METTL15: variants seen among roughly 807,000 people sequenced by gnomAD.
METTL15 encodes the protein methyltransferase 15, mitochondrial 12S rRNA N4-cytidine.
METTL15 carries 34 observed loss-of-function variants against 38.3 expected under a neutral mutation model. The observed-to-expected ratio is 0.89, with a 90% CI of 0.68 to 1.18. The LOEUF (loss-of-function observed/expected upper bound fraction) is 1.18. Among genes scored for constraint, METTL15 ranks in the 50% most tolerant of loss-of-function variants. The pLI is 0.00. For synonymous variants in METTL15, 162 were observed against 170.9 expected (o/e 0.95, Z 0.41); for missense variants, 438 against 498.4 (o/e 0.88, Z 1.15).
At chr11:28,262,368 A>G (rs1855240429) in intron 4 of METTL15, among the ~76,000 whole-genome samples, 1 of 150,968 alleles carries the variant, frequency 6.6e-6, no homozygotes, top group Admixed American at 6.6e-5. Flanking sequence ...ACAGAGATAT[A>G]TATGTGTATA....
intron 4 of METTL15, among the ~76,000 whole-genome samples, chr11:28,281,450 C>G (rs1007311274): frequency 6.6e-6 from 1 of 152,180 alleles, no homozygotes; most frequent in Non-Finnish European, 1.5e-5. Flanking sequence ...AATACCTGCT[C>G]CAATGTTGGG....
chr11:28,289,500 G>A (rs2133987211), intron 4 of METTL15, among the ~76,000 whole-genome samples: 1 of 152,202 alleles, frequency 6.6e-6, no homozygotes, highest in Admixed American at 6.6e-5. Context: ...CAAAATGCAT[G>A]CTAGTTGCCT....
chr11:28,437,699 G>A (rs1850995260), intron 6 of METTL15, among the ~76,000 whole-genome samples: 1 of 152,126 alleles, frequency 6.6e-6, no homozygotes, highest in Admixed American at 6.5e-5. Context: ...TTTTGTACTT[G>A]TTCGTTTTAT....
rs558415435 is a variant in METTL15 at position 28,487,564 on chromosome 11, C to T, written c.*425-38914C>T. ...TATGATCACAGTTTTCATTGCCTTC[C>T]TATATTTCTATTACATTTCTCCTAT... On this transcript the variant is annotated intron_variant and NMD_transcript_variant, in intron 6 of 7. Coordinates refer to the METTL15 transcript ENST00000532947. Among the ~76,000 whole-genome samples, 126 of 152,164 alleles carry T rather than the reference C, an allele frequency of 8.3e-4. No individual in the cohort carries two copies. The South Asian group carries it at 0.011, about 13-fold the overall frequency.
chr11:28,171,993 G>T (rs943988170), intron 3 of METTL15, among the ~76,000 whole-genome samples: 2 of 151,906 alleles, frequency 1.3e-5, no homozygotes, highest in Non-Finnish European at 2.9e-5. Flanking sequence ...AAGAGATGGG[G>T]TTCTACTATG....
chr11:28,449,608 G>A (rs570963714), intron 6 of METTL15, among the ~76,000 whole-genome samples: 17 of 152,172 alleles, frequency 1.1e-4, no homozygotes, highest in Admixed American at 2.6e-4. Flanking sequence ...ATATAGAAAT[G>A]GTATCTATTT....
At chr11:28,276,634 G>T (rs190651368) in intron 4 of METTL15, among the ~76,000 whole-genome samples, 2 of 152,124 alleles carry the variant, frequency 1.3e-5, no homozygotes, top group African/African-American at 2.4e-5. Context: ...AGCCAAAGCA[G>T]TCTTGAGCAA....
At chr11:28,312,375 G>A (rs1857335143) in intron 6 of METTL15, among the ~76,000 whole-genome samples, 1 of 152,140 alleles carries the variant, frequency 6.6e-6, no homozygotes, top group Non-Finnish European at 1.5e-5. Flanking sequence ...GTTATGCATA[G>A]TCTCCTGGAA....
At chr11:28,148,656 A>G (rs1006510050) in intron 3 of METTL15, among the ~76,000 whole-genome samples, 1 of 151,932 alleles carries the variant, frequency 6.6e-6, no homozygotes, top group African/African-American at 2.4e-5. Flanking sequence ...CCTAAGCTAA[A>G]TGAGCTTCTA....
chr11:28,189,669 A>T (rs888032873), intron 3 of METTL15, among the ~76,000 whole-genome samples: 1 of 151,268 alleles, frequency 6.6e-6, no homozygotes, highest in African/African-American at 2.4e-5. Flanking sequence ...ACTGGTGAAT[A>T]GTTACAAGAG....
chr11:28,428,866 C>T (rs987945601), intron 6 of METTL15, among the ~76,000 whole-genome samples: 13 of 152,144 alleles, frequency 8.5e-5, no homozygotes, highest in Non-Finnish European at 7.3e-5. Flanking sequence ...CTGGCAGATC[C>T]CCTTCCTATA....
At chr11:28,489,598 T>G (rs1851476857) in intron 6 of METTL15, among the ~76,000 whole-genome samples, 1 of 152,134 alleles carries the variant, frequency 6.6e-6, no homozygotes, top group Middle Eastern at 3.4e-3. Flanking sequence ...CTGAGTGCTA[T>G]GGAAGCCCAG....
At chr11:28,377,859 A>C (rs1279472659) in intron 5 of METTL15, among the ~76,000 whole-genome samples, 1 of 151,536 alleles carries the variant, frequency 6.6e-6, no homozygotes, top group Admixed American at 6.6e-5. Flanking sequence ...TCTGTTTGTT[A>C]GTTTTCCTTC....
intron 5 of METTL15, among the ~76,000 whole-genome samples, chr11:28,420,980 CAAAG>C (rs1385773942): frequency 1.3e-5 from 2 of 151,510 alleles, no homozygotes; most frequent in Non-Finnish European, 3.0e-5. Context: ...AGCTAAGAAA[CAAAG>C]AGAGAAGACC....
chr11:28,347,061 A>C (rs1463504349), intron 3 of METTL15, among the ~76,000 whole-genome samples: 1 of 152,226 alleles, frequency 6.6e-6, no homozygotes, highest in Admixed American at 6.5e-5. Context: ...ATGAAATACC[A>C]AATACTTGCA....
chr11:28,384,079 TGTTA>T (rs1447802130), intron 5 of METTL15, among the ~76,000 whole-genome samples: 1 of 152,154 alleles, frequency 6.6e-6, no homozygotes, highest in African/African-American at 2.4e-5. Flanking sequence ...TCTATCACTG[TGTTA>T]GTTTGCTAAG....
chr11:28,314,804 A>T (rs566530938), intron 6 of METTL15, among the ~76,000 whole-genome samples: 1 of 152,258 alleles, frequency 6.6e-6, no homozygotes, highest in South Asian at 2.1e-4. Context: ...GGTCTTTTCC[A>T]TGCTGTTCTC....
chr11:28,151,869 C>T (rs760097613), intron 3 of METTL15, among the ~76,000 whole-genome samples: 9 of 151,968 alleles, frequency 5.9e-5, no homozygotes, highest in African/African-American at 1.2e-4. Flanking sequence ...TCTTCAAGAC[C>T]TGTCAATTTC....
At chr11:28,188,943 C>G (rs1389682387) in intron 3 of METTL15, among the ~76,000 whole-genome samples, 3 of 151,166 alleles carry the variant, frequency 2.0e-5, no homozygotes, top group African/African-American at 7.3e-5. Flanking sequence ...TTTTAGTAAT[C>G]TATTCATCCT....
Sources: gnomAD v4.1 joint callset for allele counts (sites outside exome capture counted in the v4.1 genomes callset) on GRCh38, gnomAD v4.1.1 for gene constraint, MANE v1.5 for transcripts, NCBI Gene and HGNC (gene_info 2026-07-23, HGNC 2026-07-21) for gene names.